Variants in ATP6V1H observed in about 807,000 individuals in gnomAD.
The protein encoded by ATP6V1H is ATPase H+ transporting V1 subunit H.
ATP6V1H carries 39 observed loss-of-function variants against 71.7 expected under a neutral mutation model. The ratio of observed to expected loss-of-function variants is 0.54; its 90% CI spans 0.42 to 0.71. The LOEUF (loss-of-function observed/expected upper bound fraction) is 0.71. Among genes scored for constraint, ATP6V1H ranks in the 30% least tolerant of loss-of-function variants. The probability of loss-of-function intolerance (pLI) is 0.00; values close to 1 mark genes in which losing one functional copy is unlikely to be tolerated. For missense variants in ATP6V1H, 509 were observed against 594.9 expected, an observed-to-expected ratio of 0.86 and a Z score of 1.50; for synonymous variants, 192 against 199.3, an observed-to-expected ratio of 0.96 and a Z score of 0.31.
At chr8:53,750,164 G>A (rs1807742903) in intron 12 of ATP6V1H, among the ~76,000 whole-genome samples, 1 of 152,096 alleles carries the variant, frequency 6.6e-6, no homozygotes, top group South Asian at 2.1e-4. Context: ...CATTTATTGA[G>A]GACAAGTATT....
intron 13 of ATP6V1H, among the ~76,000 whole-genome samples, chr8:53,738,328 C>A (rs1379807743): frequency 6.6e-6 from 1 of 151,368 alleles, no homozygotes; most frequent in Non-Finnish European, 1.5e-5. Context: ...CACGTGCACA[C>A]ACACACACAA....
rs531701029 is a variant in ATP6V1H at position 53,784,141 on chromosome 8, T to A, written c.870+11506A>T. 2.2e-3 allele frequency among the ~76,000 whole-genome samples: 334 copies of A among 152,264 alleles called. 2 individuals carry two copies. Among genetic ancestry groups the A allele is most frequent in the African/African-American group, 7.8e-3 (324 of 41,550 alleles). On this transcript the variant is annotated intron_variant, in intron 9 of 13. Transcript: ENST00000359530. ...GATCTGTCTAATGTTGACAGTGGGG[T>A]GTTAAAGTCTCCCATTATTATTGTG...
intron 8 of ATP6V1H, among the ~76,000 whole-genome samples, chr8:53,800,649 A>C (rs902460956): frequency 1.3e-5 from 2 of 152,258 alleles, no homozygotes; most frequent in Non-Finnish European, 2.9e-5. Context: ...AAAGACTTCC[A>C]GACAGTATTC....
intron 11 of ATP6V1H, among the ~76,000 whole-genome samples, chr8:53,766,140 G>T (rs1477319296): frequency 6.6e-6 from 1 of 152,194 alleles, no homozygotes; most frequent in African/African-American, 2.4e-5. Flanking sequence ...GGGAAGTCAG[G>T]GACCCCAAAC....
At chr8:53,835,431 A>G (rs1811127556) in intron 2 of ATP6V1H, among the ~76,000 whole-genome samples, 1 of 152,186 alleles carries the variant, frequency 6.6e-6, no homozygotes, top group South Asian at 2.1e-4. Flanking sequence ...AGGGACCTGA[A>G]CTTGCATATG....
Position 53,772,372 on chromosome 8 carries a change from A to AT in ATP6V1H, c.871-206dup, listed in dbSNP as rs558981407. ...GAAGCCTACTTCTGATCATTTTTGT[A>AT]TTTCCTGGATTACTAAACATCTTTA... On this transcript the variant is annotated intron_variant, in intron 9 of 13. Coordinates refer to ENST00000359530, the MANE Select transcript of ATP6V1H (RefSeq NM_015941.4). Among the ~76,000 whole-genome samples the AT allele has an allele frequency of 1.6e-3, 248 of 152,110 alleles. 2 individuals carry two copies. Among genetic ancestry groups the AT allele is most frequent in the African/African-American group, 5.6e-3 (231 of 41,476 alleles).
At chr8:53,798,640 C>CAA (rs1554564382) in intron 8 of ATP6V1H, among the ~76,000 whole-genome samples, 1 of 150,664 alleles carries the variant, frequency 6.6e-6, no homozygotes, top group Non-Finnish European at 1.5e-5. Flanking sequence ...CACACACACA[C>CAA]AAATTCAATG....
chr8:53,780,761 A>G (rs1369650715), intron 9 of ATP6V1H, among the ~76,000 whole-genome samples: 10 of 151,972 alleles, frequency 6.6e-5, no homozygotes, highest in Non-Finnish European at 1.3e-4. Context: ...TCATTGTTCA[A>G]TTCCCACCTA....
At chr8:53,775,720 G>T (rs1808854177) in intron 9 of ATP6V1H, among the ~76,000 whole-genome samples, 1 of 152,102 alleles carries the variant, frequency 6.6e-6, no homozygotes. Flanking sequence ...AGTGTCGATT[G>T]GTGCACTCAC....
chr8:53,776,472 A>G (rs1343118279), intron 9 of ATP6V1H, among the ~76,000 whole-genome samples: 1 of 152,096 alleles, frequency 6.6e-6, no homozygotes, highest in Non-Finnish European at 1.5e-5. Flanking sequence ...ACAAGGACAG[A>G]CTCCCAGCAG....
At chr8:53,755,991 T>C (rs1164177438) in intron 12 of ATP6V1H, among the ~76,000 whole-genome samples, 1 of 144,444 alleles carries the variant, frequency 6.9e-6, no homozygotes, top group Non-Finnish European at 1.5e-5. Context: ...TCTCCTGACC[T>C]TGTGATCCGC....
intron 9 of ATP6V1H, among the ~76,000 whole-genome samples, chr8:53,774,903 C>T (rs1808807952): frequency 6.6e-6 from 1 of 152,172 alleles, no homozygotes. Context: ...ATAAAGAAGA[C>T]CCAAATTCTG....
intron 9 of ATP6V1H, among the ~76,000 whole-genome samples, chr8:53,773,666 G>A (rs1183167111): frequency 6.6e-6 from 1 of 152,106 alleles, no homozygotes; most frequent in Non-Finnish European, 1.5e-5. Flanking sequence ...GGGAGCCCCA[G>A]AAAACAAAGA....
At chr8:53,814,629 C>G (rs894709572) in intron 6 of ATP6V1H, 33 bp downstream of exon 6, 1 of 1,181,976 alleles carries the variant, frequency 8.5e-7, no homozygotes, top group Non-Finnish European at 1.2e-6. Flanking sequence ...TGTTATATTC[C>G]TTTCAAAGGT....
intron 9 of ATP6V1H, among the ~76,000 whole-genome samples, chr8:53,791,030 G>T (rs1447651592): frequency 6.6e-6 from 1 of 151,546 alleles, no homozygotes; most frequent in African/African-American, 2.4e-5. Flanking sequence ...AAAGATTTTG[G>T]CAAAATAAAG....
chr8:53,840,639 G>A (rs1811316021), intron 2 of ATP6V1H, among the ~76,000 whole-genome samples: 1 of 152,122 alleles, frequency 6.6e-6, no homozygotes, highest in Non-Finnish European at 1.5e-5. Context: ...AACTTGGCAG[G>A]TAATCAATAA....
intron 4 of ATP6V1H, among the ~76,000 whole-genome samples, chr8:53,826,605 T>C (rs933356262): frequency 2.0e-5 from 3 of 151,692 alleles, no homozygotes; most frequent in Non-Finnish European, 4.4e-5. Flanking sequence ...AATAAAAAAA[T>C]ATACATGTGT....
intron 13 of ATP6V1H, among the ~76,000 whole-genome samples, chr8:53,726,964 G>A (rs1164134448): frequency 6.6e-6 from 1 of 152,220 alleles, no homozygotes; most frequent in Non-Finnish European, 1.5e-5. Context: ...CACTTATTCG[G>A]CATGAATTGG....
chr8:53,833,140 G>C (rs1811061441), intron 2 of ATP6V1H, 54 bp from the exon 3 acceptor site: 2 of 1,417,008 alleles, frequency 1.4e-6, no homozygotes, highest in Admixed American at 1.8e-5. Context: ...ATGTAAGCAA[G>C]CGATAGAGGA....
Sources: allele counts gnomAD v4.1 joint callset (sites outside exome capture counted in the v4.1 genomes callset), GRCh38; gene constraint gnomAD v4.1.1; transcripts MANE v1.5; gene names NCBI Gene and HGNC (gene_info 2026-07-23, HGNC 2026-07-21).